Variants in FAM163B observed in about 807,000 individuals in gnomAD.
FAM163B encodes family with sequence similarity 163 member B.
FAM163B carries 4 observed loss-of-function variants against 7.6 expected under a neutral mutation model. That is an observed-to-expected ratio of 0.52 (90% CI 0.26 to 1.20). The LOEUF is 1.20. Ranked by LOEUF, FAM163B falls within the 50% of genes most tolerant of loss-of-function variation. FAM163B has a pLI of 0.14. For missense variants in FAM163B, 250 were observed against 243.0 expected, an observed-to-expected ratio of 1.03 and a Z score of -0.19; for synonymous variants, 120 against 111.6, an observed-to-expected ratio of 1.07 and a Z score of -0.47.
intron 1 of FAM163B, among the ~76,000 whole-genome samples, chr9:133,581,728 C>T (rs1184208086): frequency 6.6e-6 from 1 of 152,212 alleles, no homozygotes; most frequent in Non-Finnish European, 1.5e-5. Context: ...TGGCATTGAA[C>T]ATGCTCCTTT....
rs945922221 is a variant in FAM163B, at chr9:133,600,480, C to G, written c.-24+8597G>C. On this transcript the variant is annotated intron_variant, in intron 1 of 2. Transcript: ENST00000673969. This position sits in a 1 kb window ranked among gnomAD's most constrained non-coding sequence, Gnocchi z 4.9. ...TGGAGCCCAGGTCACCTGGCACTTACGAGGGAAGCCCCAGATGGCCCCTGC... is the reference window on the plus strand; with the variant it reads ...TGGAGCCCAGGTCACCTGGCACTTAGGAGGGAAGCCCCAGATGGCCCCTGC... 6.6e-6 allele frequency among the ~76,000 whole-genome samples: 1 copy of G among 152,116 alleles called. No individual in the cohort carries two copies. Among genetic ancestry groups the G allele is most frequent in the Non-Finnish European group, 1.5e-5 (1 of 68,002 alleles).
chr9:133,599,677 A>G (rs2318360), intron 1 of FAM163B, among the ~76,000 whole-genome samples: 116,825 of 149,778 alleles, frequency 0.78, 46,189 homozygotes, highest in African/African-American at 0.93. Flanking sequence ...ATGTGTGCAT[A>G]TGTGTCAGTG....
intron 1 of FAM163B, among the ~76,000 whole-genome samples, chr9:133,607,689 T>G (rs1312407055): frequency 6.6e-6 from 1 of 152,218 alleles, no homozygotes; most frequent in Non-Finnish European, 1.5e-5. Flanking sequence ...AAAACCCAGC[T>G]GGATCCAGGA....
chr9:133,588,754 C>T (rs1831491577), intron 1 of FAM163B, among the ~76,000 whole-genome samples: 1 of 11,046 alleles, frequency 9.1e-5, no homozygotes, highest in Admixed American at 8.8e-4. Context: ...GCTGTGCTCC[C>T]CAGAGAGGGG....
chr9:133,600,896 T>G lies in FAM163B; in HGVS notation c.-24+8181A>C, dbSNP rs1339136031. On this transcript the variant is annotated intron_variant, in intron 1 of 2. Transcript: ENST00000673969. The surrounding 1 kb of genome is among the most constrained non-coding windows in gnomAD (Gnocchi z 4.9). Reference sequence around the variant, plus strand: ...TAACAATTCATCCAAGGCCATTAACTCAACTCTCCCTTGGTAGGGGGTAGG... The same window carrying G: ...TAACAATTCATCCAAGGCCATTAACGCAACTCTCCCTTGGTAGGGGGTAGG... Among the ~76,000 whole-genome samples the G allele has an allele frequency of 1.3e-5, 2 of 152,130 alleles. No homozygotes were observed. Among genetic ancestry groups the G allele is most frequent in the African/African-American group, 2.4e-5 (1 of 41,406 alleles).
chr9:133,596,236 G>C (rs575698750), intron 1 of FAM163B, among the ~76,000 whole-genome samples: 1 of 56,650 alleles, frequency 1.8e-5, no homozygotes, highest in African/African-American at 1.8e-4. Context: ...CTTCTGGCCC[G>C]GGCGGCTGTG....
intron 1 of FAM163B, among the ~76,000 whole-genome samples, chr9:133,592,405 GC>G (rs1212762370): frequency 6.6e-6 from 1 of 152,226 alleles, no homozygotes; most frequent in African/African-American, 2.4e-5. Context: ...TGAGAGGGAG[GC>G]CGAGGGTGTG....
chr9:133,590,992 A>G (rs1350031076), intron 1 of FAM163B, among the ~76,000 whole-genome samples: 1 of 152,220 alleles, frequency 6.6e-6, no homozygotes, highest in Non-Finnish European at 1.5e-5. Flanking sequence ...CTGCGTTGGC[A>G]GAAAGCCTCT....
chr9:133,599,531 CTG>C (rs1368152023), intron 1 of FAM163B, among the ~76,000 whole-genome samples: 2 of 151,580 alleles, frequency 1.3e-5, no homozygotes, highest in Admixed American at 6.6e-5. Context: ...ATGTATGTGT[CTG>C]TGTGCATGTG....
At chr9:133,588,046 C>G (rs1831468282) in intron 1 of FAM163B, among the ~76,000 whole-genome samples, 1 of 152,130 alleles carries the variant, frequency 6.6e-6, no homozygotes, top group Non-Finnish European at 1.5e-5. Flanking sequence ...TGCTATCTGC[C>G]CAGGAAGCCA....
At chr9:133,603,566 G>T (rs947364699) in intron 1 of FAM163B, among the ~76,000 whole-genome samples, 1 of 152,216 alleles carries the variant, frequency 6.6e-6, no homozygotes, top group African/African-American at 2.4e-5. Context: ...AGGAAATTCA[G>T]GGGCATCTTT....
intron 1 of FAM163B, among the ~76,000 whole-genome samples, chr9:133,589,287 G>A (rs549950129): frequency 1.3e-5 from 2 of 152,234 alleles, no homozygotes; most frequent in South Asian, 4.1e-4. Context: ...GTGCCAGGAG[G>A]GCATGGCACC....
intron 1 of FAM163B, among the ~76,000 whole-genome samples, chr9:133,582,149 G>A (rs1371471832): frequency 2.0e-5 from 3 of 151,974 alleles, no homozygotes; most frequent in African/African-American, 4.8e-5. Context: ...CTGTGTGTGT[G>A]CCGAGAGGAC....
At chr9:133,580,355 G>A in intron 1 of FAM163B, 109 bp from the exon 2 acceptor site, 1 of 836,560 alleles carries the variant, frequency 1.2e-6, no homozygotes, top group Non-Finnish European at 1.9e-6. Flanking sequence ...AAGCACCCCA[G>A]GATGTGCCTG....
At chr9:133,587,778 G>A (rs925560007) in intron 1 of FAM163B, among the ~76,000 whole-genome samples, 5 of 152,094 alleles carry the variant, frequency 3.3e-5, no homozygotes, top group East Asian at 1.9e-4. Context: ...TGAGGGAGGC[G>A]GGGCACTCAG....
intron 1 of FAM163B, among the ~76,000 whole-genome samples, chr9:133,605,582 C>T (rs1377676558): frequency 1.3e-5 from 2 of 152,296 alleles, no homozygotes; most frequent in African/African-American, 2.4e-5. Flanking sequence ...CAGGCACGGA[C>T]GGCTCCCCGA....
At chr9:133,598,410 GAA>G (rs1008031710) in intron 1 of FAM163B, among the ~76,000 whole-genome samples, 1 of 138,980 alleles carries the variant, frequency 7.2e-6, no homozygotes, top group Non-Finnish European at 1.6e-5. Context: ...AAGTGCATTT[GAA>G]AAAAAAAAAA....
At chr9:133,583,206 G>C (rs1831382060) in intron 1 of FAM163B, among the ~76,000 whole-genome samples, 1 of 152,142 alleles carries the variant, frequency 6.6e-6, no homozygotes, top group African/African-American at 2.4e-5. Context: ...ATGGCTGAGG[G>C]CCCACTGCTA....
At chr9:133,584,385 T>C (rs1831402144) in intron 1 of FAM163B, among the ~76,000 whole-genome samples, 1 of 152,186 alleles carries the variant, frequency 6.6e-6, no homozygotes, top group Non-Finnish European at 1.5e-5. Flanking sequence ...ATCTGTACAA[T>C]GGGTGTGGCA....
Sources: gnomAD v4.1 joint callset for allele counts (sites outside exome capture counted in the v4.1 genomes callset) on GRCh38, gnomAD v4.1.1 for gene constraint, Gnocchi (gnomAD v3.1) non-coding constraint, MANE v1.5 for transcripts, NCBI Gene and HGNC (gene_info 2026-07-23, HGNC 2026-07-21) for gene names.